The following TGM4 variants were observed in gnomAD, a reference collection of about 807,000 sequenced individuals.
TGM4 encodes the protein protein-glutamine gamma-glutamyltransferase 4.
In TGM4, 61 loss-of-function variants were observed where a neutral mutation model predicts 76.3. The observed-to-expected ratio is 0.80, with a 90% CI of 0.65 to 0.99. The LOEUF is 0.99. TGM4 is among the 50% of genes least tolerant of loss of function. TGM4 has a pLI of 0.00. For synonymous variants in TGM4, 337 were observed against 329.8 expected, an observed-to-expected ratio of 1.02 and a Z score of -0.24; for missense variants, 794 against 843.2, an observed-to-expected ratio of 0.94 and a Z score of 0.72.
chr3:44,895,432 G>T (rs1226224182), intron 5 of TGM4, among the ~76,000 whole-genome samples: 1 of 152,228 alleles, frequency 6.6e-6, no homozygotes, highest in Admixed American at 6.5e-5. Flanking sequence ...TTCAAGGCCA[G>T]CCTGGGCAAC....
Position 44,914,627 on chromosome 3 carries a change from C to CTT in TGM4, c.*904_*905dup, listed in dbSNP as rs1392631344. The CTT allele has an allele frequency of 6.6e-6, 1 of 152,014 alleles. No homozygotes were observed. Among genetic ancestry groups the CTT allele is most frequent in the East Asian group, 1.9e-4 (1 of 5,188 alleles). 9.4% of individuals were successfully genotyped at this position (152,014 alleles called of 1,614,324 possible). ...CTCTGTGGTCCCTGAGTCCTTTTTTCTTTATGCCAATAAGCTTCTTAAATG... is the reference window on the plus strand; with the variant it reads ...CTCTGTGGTCCCTGAGTCCTTTTTTCTTTTTATGCCAATAAGCTTCTTAAATG... On this transcript the variant is annotated 3_prime_UTR_variant, in exon 14 of 14. Coordinates refer to ENST00000296125, the MANE Select transcript of TGM4 (RefSeq NM_003241.4).
At chr3:44,895,525 G>A (rs1699767549) in intron 5 of TGM4, among the ~76,000 whole-genome samples, 1 of 152,126 alleles carries the variant, frequency 6.6e-6, no homozygotes, top group African/African-American at 2.4e-5. Context: ...CAGAGCTGTG[G>A]GGAGGGGGGA....
chr3:44,889,434 G>A (rs1699658991), intron 3 of TGM4, among the ~76,000 whole-genome samples: 1 of 152,052 alleles, frequency 6.6e-6, no homozygotes, highest in African/African-American at 2.4e-5. Context: ...CCTTCCTGAA[G>A]TCAAAAGCCA....
At chr3:44,901,413 C>A in intron 6 of TGM4, 111 bp from the exon 7 acceptor site, 1 of 1,311,058 alleles carries the variant, frequency 7.6e-7, no homozygotes, top group Non-Finnish European at 1.0e-6. Flanking sequence ...CCTCCAAGTA[C>A]TCTGAGACAT....
intron 9 of TGM4, among the ~76,000 whole-genome samples, chr3:44,906,003 C>T (rs1699917263): frequency 6.6e-6 from 1 of 152,134 alleles, no homozygotes; most frequent in Non-Finnish European, 1.5e-5. Flanking sequence ...GTTCCCTGGC[C>T]AGAAAAGGGG....
chr3:44,897,619 T>C (rs1422640426), intron 6 of TGM4, among the ~76,000 whole-genome samples: 25 of 152,280 alleles, frequency 1.6e-4, no homozygotes, highest in Non-Finnish European at 7.4e-5. Flanking sequence ...AGTTCTCAAA[T>C]ATTTTGGTTT....
In TGM4 at chr3:44,910,257, G is replaced by A. The variant is rs774155696; in HGVS notation, c.1495G>A (p.Ala499Thr). ...NFTVILKRKT[A>T]ALQNVNILGS... ...CACCGTGATTCTTAAAAGGAAGACC[G>A]CTGCCCTACAGAATGTCAACATCTT... Residue 499 changes from alanine to threonine, a missense_variant, in exon 11 of 14, where the codon GCT becomes ACT. By Grantham distance (58) the Ala-to-Thr change is moderately conservative (BLOSUM62 0). Transcript: ENST00000296125. 9.9e-6 allele frequency: 16 copies of A among 1,614,064 alleles called. No homozygotes were observed. In the East Asian group the frequency reaches 2.0e-4, roughly 20 times the overall value.
intron 1 of TGM4, among the ~76,000 whole-genome samples, chr3:44,880,890 T>C (rs1303580436): frequency 1.3e-5 from 2 of 152,228 alleles, no homozygotes; most frequent in Non-Finnish European, 2.9e-5. Context: ...TATTCTGGAA[T>C]TGGTCAGGAC....
chr3:44,886,397 C>T (rs28666966), intron 2 of TGM4, among the ~76,000 whole-genome samples: 16,690 of 152,128 alleles, frequency 0.11, 1,083 homozygotes, highest in Middle Eastern at 0.17. Flanking sequence ...ATAGCACTTC[C>T]TGGGAGAGCG....
chr3:44,913,719 C>T lies in TGM4; in HGVS notation c.2049C>T (p.Thr683=), dbSNP rs79609954. 1,520 of 1,613,056 alleles carry T rather than the reference C, an allele frequency of 9.4e-4. 12 individuals are homozygous for T. The African/African-American group carries it at 0.018, about 19-fold the overall frequency. ...ATGCTCAGAAGATTGTTCTCATCACCAAGTAGCCTTGTCTGATGCTGTGGA... is the reference window on the plus strand; with the variant it reads ...ATGCTCAGAAGATTGTTCTCATCACTAAGTAGCCTTGTCTGATGCTGTGGA... ...EINAQKIVLI[T]K is the part of the protein sequence containing the mutation. The change falls in exon 14 of 14, where the codon ACC becomes ACT. Residue 683 remains threonine, a synonymous_variant. Transcript: ENST00000296125.
chr3:44,900,369 G>C (rs970619079), intron 6 of TGM4, among the ~76,000 whole-genome samples: 1 of 152,078 alleles, frequency 6.6e-6, no homozygotes, highest in African/African-American at 2.4e-5. Flanking sequence ...TGAGTCTGGC[G>C]GTGGCCTCTG....
At position 44,910,903 on chromosome 3, in the gene TGM4, C is replaced by T. The variant is rs540095946; in HGVS notation, c.1607-55C>T. 243 of 1,577,590 alleles carry T rather than the reference C, an allele frequency of 1.5e-4. 4 individuals carry two copies. The African/African-American group carries it at 3.1e-3, about 20-fold the overall frequency. ...AATTCTGTGCTTGATGAGGAGAACT[C>T]ATACTGGGGGGGTATGATGAATGAC... On this transcript the variant is annotated intron_variant, in intron 11 of 13. Coordinates refer to ENST00000296125, the MANE Select transcript of TGM4 (RefSeq NM_003241.4).
chr3:44,885,458 C>G lies in TGM4; in HGVS notation c.153C>G (p.Pro51=), dbSNP rs774074356. ...VFHLRLVLNQ[P]LQSYHQLKLE... is the part of the protein sequence containing the mutation. Reference sequence around the variant, plus strand: ...ACCTGCGGCTGGTGCTGAACCAGCCCCTACAATCCTACCACCAACTGAAAC... The same window carrying G: ...ACCTGCGGCTGGTGCTGAACCAGCCGCTACAATCCTACCACCAACTGAAAC... Residue 51 remains proline, a synonymous_variant, in exon 2 of 14, where the codon CCC becomes CCG. Coordinates refer to ENST00000296125, the MANE Select transcript of TGM4 (RefSeq NM_003241.4). 6.2e-6 allele frequency: 10 copies of G among 1,612,638 alleles called. No homozygotes were observed. Among genetic ancestry groups the G allele is most frequent in the Admixed American group, 3.3e-5 (2 of 59,994 alleles).
chr3:44,876,221 T>A (rs934487929), intron 1 of TGM4, among the ~76,000 whole-genome samples: 1 of 152,226 alleles, frequency 6.6e-6, no homozygotes, highest in Admixed American at 6.5e-5. Flanking sequence ...AATTTGACTT[T>A]ACTCTCAAGG....
At chr3:44,901,344 A>G (rs1325075378) in intron 6 of TGM4, among the ~76,000 whole-genome samples, 180 bp from the exon 7 acceptor site, 5 of 152,196 alleles carry the variant, frequency 3.3e-5, no homozygotes, top group African/African-American at 1.2e-4. Context: ...CGGTCACTCA[A>G]ACAGCTGGCA....
intron 10 of TGM4, among the ~76,000 whole-genome samples, chr3:44,909,679 A>G (rs1016914706): frequency 2.6e-5 from 4 of 152,142 alleles, no homozygotes; most frequent in Admixed American, 6.5e-5. Flanking sequence ...TTTTGAGTCT[A>G]CTCTGGAGCT....
At chr3:44,910,929 C>G in intron 11 of TGM4, 29 bp from the exon 12 acceptor site, 1 of 1,607,610 alleles carries the variant, frequency 6.2e-7, no homozygotes, top group South Asian at 1.1e-5. Flanking sequence ...GATGAATGAC[C>G]TCTCCCCTCC....
At position 44,903,905 on chromosome 3, in the gene TGM4, T is replaced by C. The variant is rs1699886842; in HGVS notation, c.993T>C (p.Asp331=). 4 of 1,614,178 alleles carry C rather than the reference T, an allele frequency of 2.5e-6. No homozygotes were observed. Among genetic ancestry groups the C allele is most frequent in the Non-Finnish European group, 3.4e-6 (4 of 1,180,022 alleles). Residue 331 remains aspartate (D), a synonymous_variant, in exon 9 of 14, where the codon GAT becomes GAC. Coordinates refer to ENST00000296125, the MANE Select transcript of TGM4 (RefSeq NM_003241.4). The part of the protein sequence containing the change: ...DSVWNFHVWT[D]AWMKRPDLPK... ...GCAGGAATTTCCATGTGTGGACGGA[T>C]GCCTGGATGAAGCGACCGGATCTGC...
chr3:44,909,912 T>G (rs1699976330), intron 10 of TGM4, among the ~76,000 whole-genome samples, 178 bp from the exon 11 acceptor site: 1 of 152,204 alleles, frequency 6.6e-6, no homozygotes, highest in Non-Finnish European at 1.5e-5. Context: ...TGTCAGAATG[T>G]GCTATTGCTT....
Sources: allele counts gnomAD v4.1 joint callset (sites outside exome capture counted in the v4.1 genomes callset), GRCh38; gene constraint gnomAD v4.1.1; transcripts MANE v1.5; gene names NCBI Gene and HGNC (gene_info 2026-07-23, HGNC 2026-07-21).